The following SLC15A4 variants were observed in gnomAD, a reference collection of about 807,000 sequenced individuals.
The protein encoded by SLC15A4 is hPHT1.
A neutral mutation model predicts 46.1 loss-of-function variants in SLC15A4; 26 were observed. That is an observed-to-expected ratio of 0.56 (90% CI 0.41 to 0.78). The LOEUF is 0.78. Ranked by LOEUF, SLC15A4 falls within the 30% of genes least tolerant of loss-of-function variation. SLC15A4 has a pLI of 0.00. For missense variants in SLC15A4, 751 were observed against 755.7 expected (o/e 0.99, Z 0.07); for synonymous variants, 370 against 333.4 (o/e 1.11, Z -1.20).
Position 128,799,303 on chromosome 12 carries a change from A to G in SLC15A4, c.1529T>C (p.Val510Ala). ...CATCCATCCGATGGCTTTGATAGAC[A>G]CCAGTGCCAGCAGTCCAGAACCCAC... ...SFVGSGLLAL[V>A]SIKAIGWMSS... Residue 510 changes from valine (V) to alanine (A), a missense_variant, in exon 7 of 8, where the codon GTG becomes GCG. By Grantham distance (64) the Val-to-Ala change is moderately conservative. Transcript: ENST00000266771. 1 of 1,614,152 alleles carries G rather than the reference A, an allele frequency of 6.2e-7. No individual in the cohort carries two copies. Among genetic ancestry groups the G allele is most frequent in the Non-Finnish European group, 8.5e-7 (1 of 1,180,036 alleles).
Position 128,793,656 on chromosome 12 carries a change from G to GC in SLC15A4, c.*539dup, listed in dbSNP as rs1955409854. 6.6e-6 allele frequency: 1 copy of GC among 152,006 alleles called. No homozygotes were observed. The highest frequency in any genetic ancestry group is 2.4e-5 in the African/African-American group (1 of 41,360). The allele number at this position is 152,006 out of a possible 1,614,324, so 9.4% of individuals were successfully genotyped here. ...GCCTAAATCAAAGAACATGGCAAGA[G>GC]CAAGATTGTTCTCAGGAAGGAAACC... On this transcript the variant is annotated 3_prime_UTR_variant, in exon 8 of 8. Transcript: ENST00000266771.
rs1593004737 is a variant in SLC15A4 at position 128,800,881 on chromosome 12, T to C, written c.1387A>G (p.Ile463Val). Residue 463 changes from isoleucine (I) to valine (V), a missense_variant, in exon 6 of 8, where the codon ATC becomes GTC. Physicochemically the swap from Ile to Val is conservative, Grantham distance 29 (BLOSUM62 3). Transcript: ENST00000266771. Reference protein sequence around the residue: ...WQVPQYLLIGISEIFASIAGL... With the variant: ...WQVPQYLLIGVSEIFASIAGL... ...GCGATACTTGCAAAGATCTCGCTGATCCCAATCAGCAAGTACTGCGGCACC... is the reference window on the plus strand; with the variant it reads ...GCGATACTTGCAAAGATCTCGCTGACCCCAATCAGCAAGTACTGCGGCACC... 6.2e-7 allele frequency: 1 copy of C among 1,613,220 alleles called. No individual in the cohort carries two copies. Among genetic ancestry groups the C allele is most frequent in the Non-Finnish European group, 8.5e-7 (1 of 1,179,750 alleles).
intron 6 of SLC15A4, among the ~76,000 whole-genome samples, chr12:128,800,031 C>T (rs1455688206): frequency 6.6e-6 from 1 of 152,046 alleles, no homozygotes; most frequent in Non-Finnish European, 1.5e-5. Context: ...TTAGTAGAGA[C>T]AGGGATTCAC....
At chr12:128,811,124 A>G (rs1955651533) in intron 2 of SLC15A4, among the ~76,000 whole-genome samples, 1 of 152,208 alleles carries the variant, frequency 6.6e-6, no homozygotes, top group Non-Finnish European at 1.5e-5. Flanking sequence ...CCCAGCTCCA[A>G]AACACTCTAA....
chr12:128,801,590 T>C (rs1249354795), intron 5 of SLC15A4: 1 of 152,380 alleles, frequency 6.6e-6, no homozygotes, highest in Non-Finnish European at 1.5e-5. Flanking sequence ...GAGATCTCAC[T>C]GCAGGTGCAG....
intron 1 of SLC15A4, chr12:128,815,399 G>A (rs1255000794): frequency 7.3e-6 from 2 of 275,184 alleles, no homozygotes; most frequent in African/African-American, 4.4e-5. Context: ...TTTAAAAACA[G>A]AGTCCGCTGG....
Position 128,799,589 on chromosome 12 carries a change from T to C in SLC15A4, c.1415-172A>G, listed in dbSNP as rs192926825. On this transcript the variant is annotated intron_variant, in intron 6 of 7. Transcript: ENST00000266771. The stretch of plus-strand genomic sequence containing the variant: ...GACGATGCTTACTAGCGACCAAGAA[T>C]CAATGGCTATGGGCCAACTGTTCAT... 2.4e-4 allele frequency among the ~76,000 whole-genome samples: 37 copies of C among 152,316 alleles called. No individual in the cohort carries two copies. In the East Asian group the frequency reaches 5.0e-3, roughly 21 times the overall value.
At position 128,805,785 on chromosome 12, in the gene SLC15A4, G is replaced by C. The variant is rs116079807; in HGVS notation, c.1258+3003C>G. On this transcript the variant is annotated intron_variant, in intron 5 of 7. Coordinates refer to ENST00000266771, the MANE Select transcript of SLC15A4 (RefSeq NM_145648.4). ...AACCTCAGGTGATCTACTCGCCTTG[G>C]TCTCCCAAGGGAAAATCTTTTAAAT... Among the ~76,000 whole-genome samples, 980 of 152,242 alleles carry C rather than the reference G, an allele frequency of 6.4e-3. 11 individuals are homozygous for C. Among genetic ancestry groups the C allele is most frequent in the African/African-American group, 0.021 (862 of 41,538 alleles).
At chr12:128,815,502 AT>A (rs1955739481) in intron 1 of SLC15A4, 1 of 168,072 alleles carries the variant, frequency 5.9e-6, no homozygotes, top group African/African-American at 2.4e-5. Context: ...CCTGGCCAAC[AT>A]GGTGAAACAC....
chr12:128,823,415 G>A lies in SLC15A4; in HGVS notation c.529C>T (p.Pro177Ser). 6.9e-7 allele frequency: 1 copy of A among 1,450,488 alleles called. No individual in the cohort carries two copies. The highest frequency in any genetic ancestry group is 2.9e-5 in the East Asian group (1 of 34,564). The allele number at this position is 1,450,488 out of a possible 1,614,324, so 89.9% of individuals were successfully genotyped here. ...CGGCTCACCTGGTCGGCGCCGAAGGGCGTGATGTTGGCCTTGACGGTGGCC... is the reference window on the plus strand; with the variant it reads ...CGGCTCACCTGGTCGGCGCCGAAGGACGTGATGTTGGCCTTGACGGTGGCC... ...GVATVKANIT[P>S]FGADQVKDRG... The change falls in exon 1 of 8, where the codon CCC becomes TCC. Residue 177 changes from proline (P) to serine (S), a missense_variant. Transcript: ENST00000266771.
At chr12:128,820,100 G>C (rs930920269) in intron 1 of SLC15A4, among the ~76,000 whole-genome samples, 1 of 152,192 alleles carries the variant, frequency 6.6e-6, no homozygotes, top group Non-Finnish European at 1.5e-5. Context: ...CCTGTGTGGG[G>C]TGGCCAAGTC....
intron 5 of SLC15A4, 163 bp from the exon 6 acceptor site, chr12:128,801,172 T>G (rs1427830817): frequency 1.6e-6 from 1 of 630,882 alleles, no homozygotes; most frequent in African/African-American, 1.8e-5. Flanking sequence ...CCCCCAGCCT[T>G]CAGCCTCCTA....
Position 128,809,478 on chromosome 12 carries a change from G to A in SLC15A4, c.1012-5C>T, listed in dbSNP as rs754967018. 2.5e-6 allele frequency: 4 copies of A among 1,593,048 alleles called. No homozygotes were observed. Among genetic ancestry groups the A allele is most frequent in the Non-Finnish European group, 3.4e-6 (4 of 1,167,802 alleles). On this transcript the variant is annotated splice_region_variant and splice_polypyrimidine_tract_variant and intron_variant, in intron 3 of 7. Transcript: ENST00000266771. ...TAAAACATATGTTGTCTGCATCTAG[G>A]TATAAAAAACAGTATCATTATATGT...
At chr12:128,801,266 C>A in intron 5 of SLC15A4, 1 of 337,352 alleles carries the variant, frequency 3.0e-6, no homozygotes, top group South Asian at 5.7e-5. Flanking sequence ...AGATGTTCAA[C>A]ATGTTTCATT....
chr12:128,815,121 G>T, intron 1 of SLC15A4, 51 bp from the exon 2 acceptor site: 1 of 1,538,850 alleles, frequency 6.5e-7, no homozygotes. Flanking sequence ...AGTCTTCAAG[G>T]ATGAAAACCA....
chr12:128,795,671 G>C (rs1056243843), intron 7 of SLC15A4, among the ~76,000 whole-genome samples: 2 of 152,238 alleles, frequency 1.3e-5, no homozygotes, highest in Non-Finnish European at 2.9e-5. Flanking sequence ...AGAGAACAGA[G>C]TTCAGCCAGC....
intron 5 of SLC15A4, among the ~76,000 whole-genome samples, chr12:128,807,572 T>C (rs1185520279): frequency 6.6e-6 from 1 of 151,838 alleles, no homozygotes; most frequent in Non-Finnish European, 1.5e-5. Flanking sequence ...TTTGGGGAGG[T>C]AGGACAGGCA....
chr12:128,806,179 A>AAAAAAG (rs1272000093), intron 5 of SLC15A4, among the ~76,000 whole-genome samples: 2 of 151,456 alleles, frequency 1.3e-5, no homozygotes, highest in Non-Finnish European at 2.9e-5. Context: ...AAAAAAAAAA[A>AAAAAAG]AAAGAAAAAC....
intron 3 of SLC15A4, 94 bp from the exon 4 acceptor site, chr12:128,809,567 G>C (rs770385301): frequency 4.2e-6 from 3 of 711,822 alleles, no homozygotes; most frequent in Non-Finnish European, 7.2e-6. Flanking sequence ...ACTCAGATGC[G>C]ACACACAGTG....
Sources: gnomAD v4.1 joint callset for allele counts (sites outside exome capture counted in the v4.1 genomes callset) on GRCh38, gnomAD v4.1.1 for gene constraint, MANE v1.5 for transcripts, NCBI Gene and HGNC (gene_info 2026-07-23, HGNC 2026-07-21) for gene names.